The following ACOXL variants were observed in gnomAD, a reference collection of about 807,000 sequenced individuals.
ACOXL encodes acyl-CoA oxidase like.
ACOXL carries 70 observed loss-of-function variants against 71.9 expected under a neutral mutation model. The ratio of observed to expected loss-of-function variants is 0.97; its 90% CI spans 0.80 to 1.19. ACOXL has a LOEUF of 1.19. Ranked by LOEUF, ACOXL falls within the 50% of genes most tolerant of loss-of-function variation. ACOXL has a pLI of 0.00. For synonymous variants in ACOXL, 253 were observed against 281.6 expected, an observed-to-expected ratio of 0.90 and a Z score of 1.02; for missense variants, 703 against 736.3, an observed-to-expected ratio of 0.95 and a Z score of 0.52.
intron 12 of ACOXL, among the ~76,000 whole-genome samples, chr2:110,954,982 A>T (rs899251779): frequency 6.6e-6 from 1 of 152,146 alleles, no homozygotes; most frequent in African/African-American, 2.4e-5. Context: ...ATCTAATAGT[A>T]ATTTTTCATG....
At chr2:111,048,018 T>G (rs1294378940) in intron 15 of ACOXL, among the ~76,000 whole-genome samples, 1 of 152,246 alleles carries the variant, frequency 6.6e-6, no homozygotes, top group African/African-American at 2.4e-5. Flanking sequence ...CAGACAATAT[T>G]TTCTTGATGA....
At chr2:110,979,651 C>A (rs1366313507) in intron 12 of ACOXL, among the ~76,000 whole-genome samples, 2 of 152,102 alleles carry the variant, frequency 1.3e-5, no homozygotes, top group African/African-American at 4.8e-5. Context: ...GGGTACCCTC[C>A]CAGGCTCTTT....
At chr2:110,782,281 A>G (rs1288440245) in intron 2 of ACOXL, among the ~76,000 whole-genome samples, 2 of 152,112 alleles carry the variant, frequency 1.3e-5, no homozygotes, top group Admixed American at 1.3e-4. Flanking sequence ...TAGTGCTGCC[A>G]TTTCAATGAG....
intron 1 of ACOXL, among the ~76,000 whole-genome samples, chr2:110,748,145 C>T (rs1324996861): frequency 2.0e-5 from 3 of 152,152 alleles, no homozygotes; most frequent in African/African-American, 7.2e-5. Flanking sequence ...GTGGGACACT[C>T]CTGCTCCTCT....
At chr2:110,775,217 C>CAAAGAAAGCAT (rs1385176885) in intron 2 of ACOXL, among the ~76,000 whole-genome samples, 1 of 152,064 alleles carries the variant, frequency 6.6e-6, no homozygotes, top group Non-Finnish European at 1.5e-5. Context: ...ATAAAAAATT[C>CAAAGAAAGCAT]AAAGAAAGCA....
chr2:110,885,910 GTA>G (rs1399210403), intron 10 of ACOXL, among the ~76,000 whole-genome samples: 2 of 152,168 alleles, frequency 1.3e-5, no homozygotes, highest in Non-Finnish European at 2.9e-5. Flanking sequence ...ACAGAAATAT[GTA>G]TGTTATTATT....
At chr2:110,908,360 C>A (rs899902178) in intron 10 of ACOXL, among the ~76,000 whole-genome samples, 1 of 152,158 alleles carries the variant, frequency 6.6e-6, no homozygotes, top group Non-Finnish European at 1.5e-5. Context: ...CTGACAGGAG[C>A]ACCAGGGTTA....
At chr2:110,914,311 A>G (rs543990631) in intron 11 of ACOXL, among the ~76,000 whole-genome samples, 1 of 152,336 alleles carries the variant, frequency 6.6e-6, no homozygotes, top group East Asian at 1.9e-4. Flanking sequence ...CATTGAATCT[A>G]TAAAGCAATT....
intron 10 of ACOXL, among the ~76,000 whole-genome samples, chr2:110,842,989 G>A (rs1691354393): frequency 6.6e-6 from 1 of 152,174 alleles, no homozygotes; most frequent in African/African-American, 2.4e-5. Flanking sequence ...CAGCTGCTGA[G>A]GCACACAGCT....
intron 16 of ACOXL, among the ~76,000 whole-genome samples, chr2:111,059,760 A>G (rs1322638196): frequency 2.8e-5 from 4 of 143,744 alleles, no homozygotes; most frequent in Admixed American, 2.7e-4. Context: ...AAGCTAACGC[A>G]CACAAAGGAA....
At chr2:110,855,760 C>G (rs563919357) in intron 10 of ACOXL, among the ~76,000 whole-genome samples, 6 of 152,284 alleles carry the variant, frequency 3.9e-5, no homozygotes, top group Non-Finnish European at 8.8e-5. Context: ...GGTTTGTGGT[C>G]TCTCTGACTT....
At chr2:110,912,380 G>T (rs539708976) in intron 11 of ACOXL, among the ~76,000 whole-genome samples, 33 of 152,200 alleles carry the variant, frequency 2.2e-4, no homozygotes, top group African/African-American at 7.7e-4. Context: ...ATATGAAGCT[G>T]CAGTAATCAA....
At chr2:110,750,295 G>A (rs972588210) in intron 1 of ACOXL, among the ~76,000 whole-genome samples, 1 of 152,042 alleles carries the variant, frequency 6.6e-6, no homozygotes, top group African/African-American at 2.4e-5. Context: ...ACTTATATCA[G>A]TATAGACTAA....
At chr2:111,079,796 A>G (rs1394026595) in intron 16 of ACOXL, among the ~76,000 whole-genome samples, 1 of 150,642 alleles carries the variant, frequency 6.6e-6, no homozygotes. Context: ...ACCAGAGCCC[A>G]TAGCCTATAC....
intron 14 of ACOXL, among the ~76,000 whole-genome samples, chr2:111,024,157 G>T (rs1473242789): frequency 6.6e-6 from 1 of 152,192 alleles, no homozygotes; most frequent in Non-Finnish European, 1.5e-5. Flanking sequence ...GTGGCTCCAT[G>T]ACAAAGAAGG....
intron 16 of ACOXL, among the ~76,000 whole-genome samples, chr2:111,065,424 A>G (rs566259555): frequency 6.6e-6 from 1 of 152,374 alleles, no homozygotes; most frequent in East Asian, 1.9e-4. Context: ...AGAAGTAAAC[A>G]TATAGAAGAA....
At chr2:111,092,633 G>A (rs1022669848) in intron 16 of ACOXL, among the ~76,000 whole-genome samples, 4 of 152,148 alleles carry the variant, frequency 2.6e-5, no homozygotes, top group Admixed American at 6.5e-5. Flanking sequence ...ATGGGAGTTC[G>A]TTATGCTATT....
intron 10 of ACOXL, among the ~76,000 whole-genome samples, chr2:110,905,046 C>T (rs1369631270): frequency 6.6e-6 from 1 of 152,018 alleles, no homozygotes. Context: ...TCTCAGATGT[C>T]CAAGCATCAG....
At chr2:110,808,399 G>A (rs1003866854) in intron 9 of ACOXL, among the ~76,000 whole-genome samples, 2 of 152,226 alleles carry the variant, frequency 1.3e-5, no homozygotes, top group African/African-American at 2.4e-5. Context: ...CTGGGTTCCC[G>A]GGTGACACTG....
Sources: allele counts gnomAD v4.1 joint callset (sites outside exome capture counted in the v4.1 genomes callset), GRCh38; gene constraint gnomAD v4.1.1; transcripts MANE v1.5; gene names NCBI Gene and HGNC (gene_info 2026-07-23, HGNC 2026-07-21).